RELCH: variants seen among roughly 807,000 people sequenced by gnomAD.
RELCH encodes RAB11-binding protein RELCH.
Under a neutral mutation model 150.3 loss-of-function variants are expected in RELCH, and 41 were observed. The ratio of observed to expected loss-of-function variants is 0.27; its 90% CI spans 0.21 to 0.35. The LOEUF is 0.35. Ranked by LOEUF, RELCH falls within the 10% of genes least tolerant of loss-of-function variation. The probability of loss-of-function intolerance (pLI) is 1.00; values close to 1 mark genes in which losing one functional copy is unlikely to be tolerated. For missense variants in RELCH, 1,092 were observed against 1,467.8 expected, an observed-to-expected ratio of 0.74 and a Z score of 4.18; for synonymous variants, 478 against 531.8, an observed-to-expected ratio of 0.90 and a Z score of 1.39.
intron 1 of RELCH, among the ~76,000 whole-genome samples, chr18:62,192,716 G>A (rs2038738302): frequency 6.6e-6 from 1 of 152,064 alleles, no homozygotes; most frequent in Non-Finnish European, 1.5e-5. Context: ...TCTTATTTCT[G>A]AATGCTCTCT....
In RELCH at chr18:62,192,530, T is replaced by G. The variant is rs61007625; in HGVS notation, c.526+4499T>G. ...GTTTTCATAGTTTTGGGTTCTACAT[T>G]TAAGTCTTTAATCCACCTTGAGTTA... On this transcript the variant is annotated intron_variant, in intron 1 of 28. Transcript: ENST00000644646. Among the ~76,000 whole-genome samples the G allele has an allele frequency of 2.7e-3, 405 of 152,346 alleles. 8 individuals carry two copies. The East Asian group carries it at 0.05, about 19-fold the overall frequency.
Position 62,267,484 on chromosome 18 carries a change from A to ATGTGTG in RELCH, c.2680+765_2680+770dup, listed in dbSNP as rs36203741. ...GAATATATATATAGTCTAGGTATAT[A>ATGTGTG]TGTGTGTGTGTGTGTGTGTGTGTGT... On this transcript the variant is annotated intron_variant, in intron 19 of 28. Transcript: ENST00000644646. Among the ~76,000 whole-genome samples the ATGTGTG allele has an allele frequency of 1.6e-3, 215 of 135,806 alleles. 2 individuals are homozygous for ATGTGTG. Among genetic ancestry groups the ATGTGTG allele is most frequent in the African/African-American group, 5.3e-3 (197 of 37,324 alleles). 89.1% of individuals were successfully genotyped at this position (135,806 alleles called of 152,430 possible). A position where few individuals can be genotyped will look rare whatever the true frequency, so the allele number is the denominator to read the frequency against.
intron 5 of RELCH, 100 bp from the exon 6 acceptor site, chr18:62,227,189 C>T (rs569865063): frequency 2.3e-5 from 18 of 786,364 alleles, no homozygotes; most frequent in African/African-American, 2.2e-4. Context: ...ACAGCAAAAC[C>T]GATCTTAAAA....
At chr18:62,255,558 A>T (rs1249633465) in intron 13 of RELCH, 80 bp downstream of exon 13, 36 of 963,596 alleles carry the variant, frequency 3.7e-5, no homozygotes, top group Non-Finnish European at 5.7e-5. Context: ...TATAGATTTT[A>T]ATCCAAATGT....
At chr18:62,245,989 G>C (rs1253533395) in intron 11 of RELCH, 1 of 152,150 alleles carries the variant, frequency 6.6e-6, no homozygotes, top group Admixed American at 6.5e-5. Context: ...GCAGCAAATT[G>C]TACATACCTG....
intron 21 of RELCH, among the ~76,000 whole-genome samples, chr18:62,274,800 G>A (rs892270852): frequency 1.3e-5 from 2 of 152,244 alleles, no homozygotes; most frequent in African/African-American, 4.8e-5. Flanking sequence ...ATTAAAAAGA[G>A]TGGAATTATC....
At chr18:62,207,415 T>C (rs1400660659) in intron 1 of RELCH, among the ~76,000 whole-genome samples, 1 of 152,242 alleles carries the variant, frequency 6.6e-6, no homozygotes, top group Non-Finnish European at 1.5e-5. Flanking sequence ...GACAGATATT[T>C]AGTTGTTTCC....
chr18:62,259,160 A>G (rs2043136009), intron 15 of RELCH, among the ~76,000 whole-genome samples: 1 of 152,028 alleles, frequency 6.6e-6, no homozygotes, highest in South Asian at 2.1e-4. Context: ...TTGATGGAAC[A>G]ATAGAAACTT....
intron 5 of RELCH, among the ~76,000 whole-genome samples, chr18:62,226,303 G>C (rs2041214721): frequency 1.3e-5 from 2 of 152,062 alleles, no homozygotes; most frequent in Admixed American, 6.6e-5. Flanking sequence ...TTAAGTTGCT[G>C]TGCTTTTTTG....
chr18:62,284,717 C>T (rs2044702322), intron 25 of RELCH, among the ~76,000 whole-genome samples: 1 of 152,098 alleles, frequency 6.6e-6, no homozygotes, highest in Non-Finnish European at 1.5e-5. Flanking sequence ...GGTAACGTCT[C>T]CCTTGGAGTG....
intron 2 of RELCH, among the ~76,000 whole-genome samples, chr18:62,213,301 C>T (rs1459626729): frequency 6.6e-6 from 1 of 151,762 alleles, no homozygotes; most frequent in Non-Finnish European, 1.5e-5. Context: ...ATGTTTTTTC[C>T]TTTAATTTCC....
At chr18:62,204,422 C>T (rs1311065274) in intron 1 of RELCH, among the ~76,000 whole-genome samples, 2 of 152,098 alleles carry the variant, frequency 1.3e-5, no homozygotes, top group African/African-American at 4.8e-5. Flanking sequence ...TACAGCCTCA[C>T]CCTTCTGAGC....
At chr18:62,198,034 T>C (rs571925420) in intron 1 of RELCH, among the ~76,000 whole-genome samples, 15 of 152,282 alleles carry the variant, frequency 9.9e-5, no homozygotes, top group African/African-American at 3.1e-4. Context: ...TAGTACAAAA[T>C]TGATCATTTA....
At chr18:62,274,546 C>T (rs1032171813) in intron 21 of RELCH, among the ~76,000 whole-genome samples, 2 of 152,146 alleles carry the variant, frequency 1.3e-5, no homozygotes, top group African/African-American at 2.4e-5. Context: ...TTAATAATAC[C>T]ACCTTTCATT....
intron 8 of RELCH, among the ~76,000 whole-genome samples, chr18:62,230,631 A>G (rs1250778898): frequency 6.6e-6 from 1 of 152,054 alleles, no homozygotes; most frequent in African/African-American, 2.4e-5. Flanking sequence ...ATAGGCTAAT[A>G]TTTTCAACTG....
intron 1 of RELCH, among the ~76,000 whole-genome samples, chr18:62,201,159 G>T (rs1480841061): frequency 6.6e-6 from 1 of 151,518 alleles, no homozygotes; most frequent in Non-Finnish European, 1.5e-5. Context: ...ATTTTTATTA[G>T]AGACGGAGTT....
intron 1 of RELCH, among the ~76,000 whole-genome samples, chr18:62,195,449 T>C (rs2038968771): frequency 6.6e-6 from 1 of 152,116 alleles, no homozygotes; most frequent in South Asian, 2.1e-4. Context: ...GCAAGAGTAA[T>C]GCTTTTTCTG....
intron 2 of RELCH, among the ~76,000 whole-genome samples, chr18:62,214,894 C>G (rs955263346): frequency 6.6e-6 from 1 of 152,080 alleles, no homozygotes; most frequent in African/African-American, 2.4e-5. Flanking sequence ...ACTCTACCCC[C>G]CTAGAACTCT....
intron 25 of RELCH, 118 bp downstream of exon 25, chr18:62,282,562 G>A (rs763417215): frequency 3.1e-6 from 3 of 953,330 alleles, no homozygotes; most frequent in Non-Finnish European, 4.9e-6. Flanking sequence ...TTAAAGCCTT[G>A]TGTACTGAAA....
Sources: gnomAD v4.1 joint callset for allele counts (sites outside exome capture counted in the v4.1 genomes callset) on GRCh38, gnomAD v4.1.1 for gene constraint, MANE v1.5 for transcripts, NCBI Gene and HGNC (gene_info 2026-07-23, HGNC 2026-07-21) for gene names.